The following PDE1C variants were observed in gnomAD, a reference collection of about 807,000 sequenced individuals.
PDE1C encodes dual specificity calcium/calmodulin-dependent 3',5'-cyclic nucleotide phosphodiesterase 1C.
A neutral mutation model predicts 93.1 loss-of-function variants in PDE1C; 62 were observed. The ratio of observed to expected loss-of-function variants is 0.67; its 90% CI spans 0.54 to 0.82. The LOEUF is 0.82. Ranked by LOEUF, PDE1C falls within the 40% of genes least tolerant of loss-of-function variation. The pLI is 0.00. For missense variants in PDE1C, 742 were observed against 884.6 expected (o/e 0.84, Z 2.04); for synonymous variants, 325 against 310.1 (o/e 1.05, Z -0.50).
rs114361620 is a variant in PDE1C, at chr7:31,794,552, G to A, written c.1891+14479C>T. The stretch of plus-strand genomic sequence containing the variant: ...CTCACACTGCCCAAGGTGTCTTACT[G>A]CTATCATGCTCTGTTTTAAGAATGT... On this transcript the variant is annotated intron_variant, in intron 16 of 17. Transcript: ENST00000396191. 3.0e-3 allele frequency among the ~76,000 whole-genome samples: 461 copies of A among 152,064 alleles called. 6 individuals are homozygous for A. The highest frequency in any genetic ancestry group is 0.011 in the African/African-American group (438 of 41,514).
chr7:31,760,546 G>A (rs1482201538), intron 17 of PDE1C, among the ~76,000 whole-genome samples: 1 of 152,078 alleles, frequency 6.6e-6, no homozygotes, highest in Non-Finnish European at 1.5e-5. Context: ...GTATCTTCAG[G>A]TGGAGGTTTT....
At chr7:31,901,726 T>C (rs1323962199) in intron 2 of PDE1C, among the ~76,000 whole-genome samples, 4 of 151,470 alleles carry the variant, frequency 2.6e-5, no homozygotes, top group African/African-American at 9.7e-5. Flanking sequence ...AAAATATAAA[T>C]TTTAAAAATA....
At chr7:32,177,598 G>A (rs1403177152) in intron 2 of PDE1C, among the ~76,000 whole-genome samples, 2 of 151,962 alleles carry the variant, frequency 1.3e-5, no homozygotes, top group Non-Finnish European at 2.9e-5. Flanking sequence ...ACTATCCATG[G>A]GCCTTAATTA....
the PDE1C span, among the ~76,000 whole-genome samples, chr7:31,710,839 T>C: frequency 1.3e-5 from 2 of 152,226 alleles, no homozygotes; most frequent in African/African-American, 4.8e-5. Flanking sequence ...TGCTATAATA[T>C]ATTATGTCTG....
intron 1 of PDE1C, among the ~76,000 whole-genome samples, chr7:32,220,290 G>T (rs76379776): frequency 0.023 from 3,453 of 152,258 alleles, 136 homozygotes; most frequent in African/African-American, 0.077. Context: ...CCTTCCTCAT[G>T]CCAGGCACCA....
At chr7:32,080,338 T>G (rs10268981) in intron 3 of PDE1C, among the ~76,000 whole-genome samples, 85,414 of 151,394 alleles carry the variant, frequency 0.56, 24,358 homozygotes, top group South Asian at 0.66. Context: ...AATTGACCAA[T>G]GACCAATTGG....
chr7:31,758,567 A>G (rs1267980581), intron 17 of PDE1C, among the ~76,000 whole-genome samples: 1 of 152,184 alleles, frequency 6.6e-6, no homozygotes. Context: ...AAATTATGCT[A>G]TGGCTACAAG....
At chr7:32,071,176 C>A, upstream of PDE1C, 1 of 985,434 alleles carries the variant, frequency 1.0e-6, no homozygotes, top group Non-Finnish European at 1.2e-6. Context: ...CACCGACCTG[C>A]GGAGCTGCGT....
At chr7:32,145,147 T>C (rs58541593) in intron 3 of PDE1C, among the ~76,000 whole-genome samples, 2,996 of 152,258 alleles carry the variant, frequency 0.02, 98 homozygotes, top group African/African-American at 0.067. Flanking sequence ...ATAACTGTGA[T>C]GGCAAAATGT....
At chr7:31,895,620 C>T (rs1373901170) in intron 2 of PDE1C, among the ~76,000 whole-genome samples, 5 of 151,134 alleles carry the variant, frequency 3.3e-5, no homozygotes, top group Non-Finnish European at 7.4e-5. Flanking sequence ...CTCTGTCTCT[C>T]TGATATGGTT....
chr7:31,705,738 T>C, the PDE1C span, among the ~76,000 whole-genome samples: 292 of 130,634 alleles, frequency 2.2e-3, no homozygotes, highest in African/African-American at 8.1e-3. Flanking sequence ...CTTCATGGAC[T>C]GGAAGGCGTC....
intron 2 of PDE1C, among the ~76,000 whole-genome samples, chr7:31,979,638 C>G (rs1563136685): frequency 6.6e-6 from 1 of 152,186 alleles, no homozygotes. Context: ...AAGCACTATA[C>G]TATTAAGAAG....
intron 17 of PDE1C, among the ~76,000 whole-genome samples, chr7:31,757,522 G>A (rs1162961426): frequency 6.6e-6 from 1 of 152,170 alleles, no homozygotes; most frequent in Non-Finnish European, 1.5e-5. Context: ...AGCCATAGCT[G>A]AGTACACTTT....
chr7:32,207,535 T>C (rs1346366544), intron 2 of PDE1C, among the ~76,000 whole-genome samples: 1 of 152,176 alleles, frequency 6.6e-6, no homozygotes, highest in Non-Finnish European at 1.5e-5. Flanking sequence ...TCTTTCCCTC[T>C]CTAGACTACA....
chr7:32,219,360 A>C (rs1253767926), intron 1 of PDE1C, among the ~76,000 whole-genome samples: 3 of 152,222 alleles, frequency 2.0e-5, no homozygotes, highest in Non-Finnish European at 4.4e-5. Flanking sequence ...TCCCTTTCAT[A>C]GCAAGAAAAG....
At chr7:31,807,468 G>A (rs3807619) in intron 16 of PDE1C, among the ~76,000 whole-genome samples, 2,427 of 151,834 alleles carry the variant, frequency 0.016, 41 homozygotes, top group East Asian at 0.11. Flanking sequence ...TACAAAGGGC[G>A]CAGTTAAAAA....
chr7:31,673,011 C>T, the PDE1C span, among the ~76,000 whole-genome samples: 376 of 152,262 alleles, frequency 2.5e-3, 3 homozygotes, highest in African/African-American at 8.8e-3. Flanking sequence ...GCCTGCTTTC[C>T]CTTTGCCTTG....
exon 1 of PDE1C, chr7:32,299,232 T>C (rs1040989265): frequency 2.8e-5 from 28 of 988,034 alleles, no homozygotes; most frequent in Non-Finnish European, 3.2e-5. Context: ...ATGTTTTCTC[T>C]GGCAGACCGG....
At chr7:31,640,187 G>A in the PDE1C span, among the ~76,000 whole-genome samples, 1 of 152,192 alleles carries the variant, frequency 6.6e-6, no homozygotes, top group African/African-American at 2.4e-5. Context: ...ACACTTCTGA[G>A]TATTCTACCC....
Sources: allele counts gnomAD v4.1 joint callset (sites outside exome capture counted in the v4.1 genomes callset), GRCh38; gene constraint gnomAD v4.1.1; transcripts MANE v1.5; gene names NCBI Gene and HGNC (gene_info 2026-07-23, HGNC 2026-07-21).